Variants in TULP3 observed in about 807,000 individuals in gnomAD.
The protein encoded by TULP3 is tubby-related protein 3.
TULP3 carries 38 observed loss-of-function variants against 50.7 expected under a neutral mutation model. The ratio of observed to expected loss-of-function variants is 0.75; its 90% CI spans 0.58 to 0.98. TULP3 has a LOEUF of 0.98. Among genes scored for constraint, TULP3 ranks in the 50% least tolerant of loss-of-function variants. The pLI is 0.00. For synonymous variants in TULP3, 183 were observed against 196.6 expected (o/e 0.93, Z 0.58); for missense variants, 550 against 568.0 (o/e 0.97, Z 0.32).
intron 1 of TULP3, among the ~76,000 whole-genome samples, chr12:2,900,859 G>A (rs934672420): frequency 4.7e-5 from 7 of 148,912 alleles, no homozygotes; most frequent in Admixed American, 1.4e-4. Flanking sequence ...ATAGGCATGC[G>A]CAACCAAGCC....
intron 1 of TULP3, among the ~76,000 whole-genome samples, chr12:2,909,324 T>C (rs1284525015): frequency 6.6e-6 from 1 of 152,074 alleles, no homozygotes; most frequent in Admixed American, 6.6e-5. Flanking sequence ...AGTATTTCAG[T>C]CTCCTCAGGT....
intron 1 of TULP3, among the ~76,000 whole-genome samples, chr12:2,899,676 G>A (rs1157245812): frequency 6.6e-6 from 1 of 151,798 alleles, no homozygotes; most frequent in Non-Finnish European, 1.5e-5. Context: ...GGCGGATCAC[G>A]AGGTCAGAAG....
intron 2 of TULP3, among the ~76,000 whole-genome samples, chr12:2,915,865 A>G (rs1422432777): frequency 6.6e-6 from 1 of 151,016 alleles, no homozygotes; most frequent in Non-Finnish European, 1.5e-5. Context: ...ACAAACTGAT[A>G]GACTGCAGAC....
intron 2 of TULP3, 63 bp from the exon 3 acceptor site, chr12:2,920,700 G>A: frequency 6.4e-7 from 1 of 1,572,640 alleles, no homozygotes; most frequent in Non-Finnish European, 8.7e-7. Context: ...AACTGGGCAT[G>A]TTGGAAATGG....
chr12:2,892,723 G>T (rs1345568134), intron 1 of TULP3, among the ~76,000 whole-genome samples: 1 of 152,070 alleles, frequency 6.6e-6, no homozygotes, highest in Non-Finnish European at 1.5e-5. Flanking sequence ...TGTTGGCCAA[G>T]ATGGTCTCGA....
intron 2 of TULP3, among the ~76,000 whole-genome samples, chr12:2,910,384 A>T (rs2098184789): frequency 6.6e-6 from 1 of 152,222 alleles, no homozygotes; most frequent in Admixed American, 6.5e-5. Context: ...AACAGAGCCA[A>T]GCATGTTTTG....
intron 2 of TULP3, among the ~76,000 whole-genome samples, chr12:2,910,704 A>G (rs2098184973): frequency 6.6e-6 from 1 of 152,206 alleles, no homozygotes; most frequent in East Asian, 1.9e-4. Context: ...GGAACTAATA[A>G]TGGGACTTCT....
intron 1 of TULP3, among the ~76,000 whole-genome samples, chr12:2,899,900 AAACAAAC>A (rs1565496752): frequency 2.1e-5 from 1 of 47,494 alleles, no homozygotes; most frequent in African/African-American, 1.2e-4. Flanking sequence ...CTCAAAAAAA[AAACAAAC>A]AAAAAAAAAA....
chr12:2,902,678 C>T (rs2098179911), intron 1 of TULP3, among the ~76,000 whole-genome samples: 1 of 152,162 alleles, frequency 6.6e-6, no homozygotes, highest in Admixed American at 6.5e-5. Flanking sequence ...TTCAGTGCTT[C>T]AAAGTACTTG....
chr12:2,934,911 ATC>A (rs963008265), intron 8 of TULP3, among the ~76,000 whole-genome samples: 11 of 150,048 alleles, frequency 7.3e-5, no homozygotes, highest in Non-Finnish European at 1.3e-4. Flanking sequence ...TCTCTTTTTA[ATC>A]TCTTTTTCTT....
At chr12:2,895,909 C>CGTGTCTAA (rs3056910) in intron 1 of TULP3, among the ~76,000 whole-genome samples, 2 of 151,316 alleles carry the variant, frequency 1.3e-5, no homozygotes, top group Admixed American at 1.3e-4. Context: ...TAAGTATTAG[C>CGTGTCTAA]ATATCTAAAC....
chr12:2,899,338 G>A (rs542810876), intron 1 of TULP3, among the ~76,000 whole-genome samples: 11 of 107,958 alleles, frequency 1.0e-4, no homozygotes, highest in African/African-American at 1.9e-4. Flanking sequence ...AGAGCGAAAC[G>A]ACGTCTCAAA....
chr12:2,927,356 G>C (rs1049775185), intron 4 of TULP3, among the ~76,000 whole-genome samples: 19 of 94,388 alleles, frequency 2.0e-4, no homozygotes, highest in Non-Finnish European at 6.5e-5. Flanking sequence ...TATGTTTTCA[G>C]TTGAGACTGA....
intron 10 of TULP3, 97 bp downstream of exon 10, chr12:2,938,382 G>A (rs2098202787): frequency 1.5e-6 from 2 of 1,351,778 alleles, no homozygotes; most frequent in Admixed American, 2.3e-5. Flanking sequence ...GTGACAGTCA[G>A]CAGATAATCA....
At chr12:2,927,366 A>ATTTTTTTTTTTTTTTTTTTTTT (rs71057864) in intron 4 of TULP3, among the ~76,000 whole-genome samples, 1 of 105,194 alleles carries the variant, frequency 9.5e-6, no homozygotes, top group African/African-American at 3.9e-5. Flanking sequence ...GTTGAGACTG[A>ATTTTTTTTTTTTTTTTTTTTTT]TTTTTTTTTT....
chr12:2,906,282 G>A (rs572239482), intron 1 of TULP3, among the ~76,000 whole-genome samples: 6 of 150,934 alleles, frequency 4.0e-5, no homozygotes, highest in South Asian at 4.2e-4. Flanking sequence ...CGCTGGCCTC[G>A]GCCTCCAAAA....
chr12:2,920,391 C>T (rs1386374622), intron 2 of TULP3, among the ~76,000 whole-genome samples: 1 of 152,052 alleles, frequency 6.6e-6, no homozygotes, highest in Non-Finnish European at 1.5e-5. Flanking sequence ...CACCTGTAGT[C>T]CCAGCTCTTC....
intron 1 of TULP3, among the ~76,000 whole-genome samples, chr12:2,903,949 A>G (rs1413273749): frequency 6.6e-6 from 1 of 151,666 alleles, no homozygotes; most frequent in Non-Finnish European, 1.5e-5. Flanking sequence ...ACGCCCAGCT[A>G]ATTTTTGTAT....
Position 2,940,804 on chromosome 12 carries a change from C to T in TULP3, c.*1360C>T. The T allele has an allele frequency of 7.7e-7, 1 of 1,302,992 alleles. No homozygotes were observed. The highest frequency in any genetic ancestry group is 1.5e-5 in the African/African-American group (1 of 67,538). The allele number at this position is 1,302,992 out of a possible 1,614,324, so 80.7% of individuals were successfully genotyped here. On this transcript the variant is annotated 3_prime_UTR_variant, in exon 11 of 11. Transcript: ENST00000448120. ...TCCCACCTGCTGGGTGAGGACGAGA[C>T]TGTTTCCATCTCAGGCATGTATCCC... is the stretch of plus-strand genomic sequence containing the variant.
Sources: allele counts gnomAD v4.1 joint callset (sites outside exome capture counted in the v4.1 genomes callset), GRCh38; gene constraint gnomAD v4.1.1; transcripts MANE v1.5; gene names NCBI Gene and HGNC (gene_info 2026-07-23, HGNC 2026-07-21).